LTBP1: variants seen among roughly 807,000 people sequenced by gnomAD.
The protein encoded by LTBP1 is latent-transforming growth factor beta-binding protein 1.
In LTBP1, 129 loss-of-function variants were observed where a neutral mutation model predicts 207.6. The ratio of observed to expected loss-of-function variants is 0.62; its 90% CI spans 0.54 to 0.72. The LOEUF (loss-of-function observed/expected upper bound fraction) is 0.72. Ranked by LOEUF, LTBP1 falls within the 30% of genes least tolerant of loss-of-function variation. The pLI, the probability that LTBP1 is intolerant of heterozygous loss-of-function variation, is 0.00. For synonymous variants in LTBP1, 963 were observed against 833.7 expected (o/e 1.16, Z -2.67); for missense variants, 2,281 against 2,217.2 (o/e 1.03, Z -0.58).
chr2:33,047,567 G>A (rs1232197630), intron 3 of LTBP1, among the ~76,000 whole-genome samples: 6 of 152,178 alleles, frequency 3.9e-5, no homozygotes, highest in African/African-American at 1.4e-4. Context: ...AGTGCAATGT[G>A]GTGCTGAGAA....
intron 2 of LTBP1, among the ~76,000 whole-genome samples, chr2:33,006,264 AC>A (rs1686851463): frequency 6.6e-6 from 1 of 152,140 alleles, no homozygotes; most frequent in African/African-American, 2.4e-5. Flanking sequence ...TTTAGTGATT[AC>A]ACATTATTTG....
intron 9 of LTBP1, among the ~76,000 whole-genome samples, chr2:33,223,332 A>G (rs1239356003): frequency 6.6e-6 from 1 of 152,196 alleles, no homozygotes; most frequent in African/African-American, 2.4e-5. Context: ...TTTATTTAGA[A>G]ATGCACATAC....
intron 3 of LTBP1, among the ~76,000 whole-genome samples, chr2:33,108,995 T>A (rs1261676564): frequency 6.6e-6 from 1 of 152,246 alleles, no homozygotes; most frequent in Admixed American, 6.5e-5. Context: ...TTGTGTGGTA[T>A]TGCATCTGGG....
At chr2:33,254,852 G>GTTTTTTTTTTTT (rs70938393) in intron 11 of LTBP1, among the ~76,000 whole-genome samples, 6 of 10,362 alleles carry the variant, frequency 5.8e-4, no homozygotes, top group African/African-American at 1.1e-3. Flanking sequence ...GCGGTGTTTG[G>GTTTTTTTTTTTT]TTTTTTTTTT....
intron 3 of LTBP1, among the ~76,000 whole-genome samples, chr2:33,059,329 A>G (rs1393482847): frequency 6.6e-6 from 1 of 152,240 alleles, no homozygotes; most frequent in East Asian, 1.9e-4. Context: ...AGTGCTTTGA[A>G]GCCACTAAGG....
At chr2:33,311,329 C>T (rs951685851) in intron 23 of LTBP1, among the ~76,000 whole-genome samples, 2 of 152,066 alleles carry the variant, frequency 1.3e-5, no homozygotes, top group Non-Finnish European at 2.9e-5. Context: ...ATACCATGTA[C>T]CTCATTTGAG....
intron 19 of LTBP1, among the ~76,000 whole-genome samples, chr2:33,284,986 G>C (rs530060584): frequency 1.3e-5 from 2 of 150,728 alleles, no homozygotes; most frequent in Admixed American, 1.3e-4. Context: ...TCAAACATAA[G>C]AGATGCAGTA....
At chr2:33,239,206 T>C (rs2092198222) in intron 9 of LTBP1, among the ~76,000 whole-genome samples, 2 of 152,238 alleles carry the variant, frequency 1.3e-5, no homozygotes, top group South Asian at 2.1e-4. Flanking sequence ...AGCTCCTTCA[T>C]GTTAGCTGTA....
chr2:33,367,194 T>C (rs1033851856), intron 31 of LTBP1, among the ~76,000 whole-genome samples: 1 of 152,136 alleles, frequency 6.6e-6, no homozygotes, highest in Non-Finnish European at 1.5e-5. Context: ...CTTTGCTTGT[T>C]ATTTTGCACT....
chr2:33,379,133 G>A (rs2150356731), intron 31 of LTBP1, among the ~76,000 whole-genome samples: 1 of 147,676 alleles, frequency 6.8e-6, no homozygotes, highest in East Asian at 2.0e-4. Flanking sequence ...TGTGCTGATT[G>A]TACACTGCTC....
At chr2:33,382,690 G>C (rs931298702) in intron 31 of LTBP1, among the ~76,000 whole-genome samples, 14 of 152,148 alleles carry the variant, frequency 9.2e-5, no homozygotes, top group Admixed American at 7.2e-4. Context: ...CCTTAATTCC[G>C]TGCAATAAAT....
At chr2:33,092,467 T>A (rs1481588232) in intron 3 of LTBP1, among the ~76,000 whole-genome samples, 2 of 152,240 alleles carry the variant, frequency 1.3e-5, no homozygotes, top group Non-Finnish European at 2.9e-5. Flanking sequence ...AGAATTACAA[T>A]ATAGACTCCC....
chr2:33,049,305 G>A (rs2149485548), intron 3 of LTBP1, among the ~76,000 whole-genome samples: 1 of 152,300 alleles, frequency 6.6e-6, no homozygotes, highest in African/African-American at 2.4e-5. Context: ...AATGACATTG[G>A]GGAAAATGGA....
At chr2:33,073,823 C>T (rs767294001) in intron 3 of LTBP1, among the ~76,000 whole-genome samples, 1 of 152,144 alleles carries the variant, frequency 6.6e-6, no homozygotes, top group Non-Finnish European at 1.5e-5. Flanking sequence ...GACAGGGTTT[C>T]ACCATGTTGG....
chr2:32,968,788 G>C (rs1269178514), intron 2 of LTBP1, among the ~76,000 whole-genome samples: 1 of 148,128 alleles, frequency 6.8e-6, no homozygotes, highest in Non-Finnish European at 1.5e-5. Context: ...CAGTGGTGCA[G>C]TCTCATCTCA....
chr2:33,183,050 T>C (rs2086836917), intron 5 of LTBP1, among the ~76,000 whole-genome samples: 1 of 152,204 alleles, frequency 6.6e-6, no homozygotes, highest in South Asian at 2.1e-4. Context: ...TTTCATTGTA[T>C]AACTGATGAT....
chr2:33,238,646 C>T (rs570542396), intron 9 of LTBP1, among the ~76,000 whole-genome samples: 1 of 152,138 alleles, frequency 6.6e-6, no homozygotes, highest in Non-Finnish European at 1.5e-5. Flanking sequence ...CCTAGTTGGA[C>T]CAAAAGCTAG....
At chr2:33,246,440 AAAT>A (rs1407417080) in intron 10 of LTBP1, among the ~76,000 whole-genome samples, 5 of 151,834 alleles carry the variant, frequency 3.3e-5, no homozygotes, top group African/African-American at 7.3e-5. Flanking sequence ...AGTCACAGGG[AAAT>A]AGCAGGAGGG....
At chr2:33,016,498 G>A (rs1688396570) in intron 2 of LTBP1, among the ~76,000 whole-genome samples, 4 of 152,132 alleles carry the variant, frequency 2.6e-5, no homozygotes, top group South Asian at 2.1e-4. Context: ...GCCCTCCCCC[G>A]CTAGAGATTC....
Sources: allele counts gnomAD v4.1 joint callset (sites outside exome capture counted in the v4.1 genomes callset), GRCh38; gene constraint gnomAD v4.1.1; transcripts MANE v1.5; gene names NCBI Gene and HGNC (gene_info 2026-07-23, HGNC 2026-07-21).